Variants in RBFOX1 observed in about 807,000 individuals in gnomAD.
RBFOX1 encodes the protein RNA binding protein fox-1 homolog 1.
RBFOX1 carries 8 observed loss-of-function variants against 57.7 expected under a neutral mutation model. That is an observed-to-expected ratio of 0.14 (90% confidence interval 0.08 to 0.25). RBFOX1 has a LOEUF of 0.25. Among genes scored for constraint, RBFOX1 ranks in the 10% least tolerant of loss-of-function variants. The pLI is 1.00. For missense variants in RBFOX1, 611 were observed against 548.5 expected (o/e 1.11, Z -1.14); for synonymous variants, 326 against 222.4 (o/e 1.47, Z -4.15).
chr16:5,330,412 A>AT (rs1299268872), intron 1 of RBFOX1, among the ~76,000 whole-genome samples: 3 of 151,736 alleles, frequency 2.0e-5, no homozygotes, highest in African/African-American at 4.8e-5. Context: ...TTAAAAGAAA[A>AT]TTTTTTTTGA....
At chr16:7,621,877 A>G (rs917200903) in intron 10 of RBFOX1, among the ~76,000 whole-genome samples, 1 of 152,222 alleles carries the variant, frequency 6.6e-6, no homozygotes. Context: ...TCTCTGTGCA[A>G]TTACTCAGCC....
chr16:5,582,425 G>C (rs4786043), intron 2 of RBFOX1, among the ~76,000 whole-genome samples: 52,683 of 151,982 alleles, frequency 0.35, 10,343 homozygotes, highest in East Asian at 0.87. Context: ...GTGGAACTGA[G>C]GTGCAAGTAC....
rs1280153107 is a variant in RBFOX1 at position 7,222,738 on chromosome 16, T to C, written c.27+170640T>C. Among the ~76,000 whole-genome samples, 7 of 152,222 alleles carry C rather than the reference T, an allele frequency of 4.6e-5. No individual in the cohort carries two copies. The East Asian group carries it at 1.2e-3, about 25-fold the overall frequency. ...TAAGCCAATGCCTGACACACATATGTATTCTACAGTAATCATTATCAAAGT... is the reference window on the plus strand; with the variant it reads ...TAAGCCAATGCCTGACACACATATGCATTCTACAGTAATCATTATCAAAGT... On this transcript the variant is annotated intron_variant, in intron 4 of 15. Transcript: ENST00000550418.
intron 2 of RBFOX1, among the ~76,000 whole-genome samples, chr16:6,337,280 C>T (rs2152819189): frequency 6.6e-6 from 1 of 152,254 alleles, no homozygotes; most frequent in East Asian, 1.9e-4. Flanking sequence ...CATTTAAAGT[C>T]GACATGCTGA....
intron 2 of RBFOX1, among the ~76,000 whole-genome samples, chr16:6,498,303 G>A (rs1331725295): frequency 6.6e-6 from 1 of 151,394 alleles, no homozygotes; most frequent in Non-Finnish European, 1.5e-5. Context: ...TTCCTAGGTT[G>A]ATAAAATTAC....
At chr16:6,891,090 G>A (rs765593928) in intron 3 of RBFOX1, among the ~76,000 whole-genome samples, 4 of 152,124 alleles carry the variant, frequency 2.6e-5, no homozygotes, top group Non-Finnish European at 4.4e-5. Flanking sequence ...GACACCAGGC[G>A]TTCTTCCAAT....
At chr16:5,278,581 T>A (rs936954033) in intron 1 of RBFOX1, among the ~76,000 whole-genome samples, 8 of 152,214 alleles carry the variant, frequency 5.3e-5, no homozygotes, top group Non-Finnish European at 1.0e-4. Context: ...TTGATTGTTT[T>A]CTTTGATATG....
intron 1 of RBFOX1, chr16:5,270,885 T>C (rs1596352256): frequency 4.9e-6 from 2 of 410,166 alleles, no homozygotes; most frequent in African/African-American, 2.1e-5. Flanking sequence ...GAAAACCCAC[T>C]AGGGACGAGA....
chr16:6,813,170 T>C (rs574433781), intron 3 of RBFOX1, among the ~76,000 whole-genome samples: 2 of 151,966 alleles, frequency 1.3e-5, no homozygotes, highest in Admixed American at 6.6e-5. Flanking sequence ...CAGGCCACAA[T>C]GACTTCCTAT....
chr16:6,447,592 A>G (rs1328412987), intron 2 of RBFOX1, among the ~76,000 whole-genome samples: 1 of 152,172 alleles, frequency 6.6e-6, no homozygotes, highest in South Asian at 2.1e-4. Context: ...GTGTGTCGCT[A>G]TATGCATATG....
intron 3 of RBFOX1, among the ~76,000 whole-genome samples, chr16:5,618,826 A>C (rs1424745319): frequency 6.6e-6 from 1 of 152,176 alleles, no homozygotes; most frequent in Non-Finnish European, 1.5e-5. Context: ...GGCAACCTTC[A>C]ATGTGGATTT....
intron 2 of RBFOX1, among the ~76,000 whole-genome samples, chr16:6,526,994 A>G (rs370232670): frequency 6.6e-6 from 1 of 152,078 alleles, no homozygotes; most frequent in African/African-American, 2.4e-5. Context: ...GAGAAATTCA[A>G]ATCTGGAAAT....
chr16:5,949,689 G>T (rs2059480605), intron 4 of RBFOX1, among the ~76,000 whole-genome samples: 1 of 152,132 alleles, frequency 6.6e-6, no homozygotes, highest in Admixed American at 6.5e-5. Flanking sequence ...CAAGCCATTT[G>T]TTTTGTAGAA....
At chr16:5,454,851 TTCTTTTCTTTCTTTCTTTC>T (rs2068543044) in intron 1 of RBFOX1, among the ~76,000 whole-genome samples, 1 of 101,416 alleles carries the variant, frequency 9.9e-6, no homozygotes, top group Non-Finnish European at 2.0e-5. Flanking sequence ...CTTTCTTTCT[TTCTTTTCTTTCTTTCTTTC>T]TTTCTTTCTT....
At position 7,595,604 on chromosome 16, in the gene RBFOX1, A is replaced by T. The variant is rs1456158838; in HGVS notation, c.524A>T (p.Lys175Ile). 2 of 1,575,296 alleles carry T rather than the reference A, an allele frequency of 1.3e-6. No individual in the cohort carries two copies. The highest frequency in any genetic ancestry group is 1.7e-6 in the Non-Finnish European group (2 of 1,158,542). ...NSADADRARE[K>I]LHGTVVEGRK... The stretch of plus-strand genomic sequence containing the variant: ...GCCGATGCGGACAGGGCGAGGGAGA[A>T]ATTACACGGCACCGTGGTAGAGGGC... The change falls in exon 8 of 16, where the codon AAA becomes ATA. Residue 175 changes from lysine (K) to isoleucine (I), a missense_variant. By Grantham distance (102) the Lys-to-Ile change is moderately radical. Around this residue, in one of 3 missense-constraint regions of RBFOX1, gnomAD observed 99 missense variants for 160.3 expected, o/e 0.62. Transcript: ENST00000550418.
At chr16:5,960,622 C>A (rs2059728826) in intron 4 of RBFOX1, among the ~76,000 whole-genome samples, 1 of 152,058 alleles carries the variant, frequency 6.6e-6, no homozygotes, top group Non-Finnish European at 1.5e-5. Context: ...GCAGTCATAT[C>A]TCCGAAACCT....
chr16:5,606,477 C>T (rs2047583907), intron 3 of RBFOX1, among the ~76,000 whole-genome samples: 2 of 152,052 alleles, frequency 1.3e-5, no homozygotes, highest in Non-Finnish European at 2.9e-5. Flanking sequence ...TCCTCACCTT[C>T]TCTCTCACTC....
At chr16:6,127,315 T>C (rs536175714) in intron 1 of RBFOX1, among the ~76,000 whole-genome samples, 122 of 152,270 alleles carry the variant, frequency 8.0e-4, no homozygotes, top group Non-Finnish European at 1.3e-3. Flanking sequence ...TCCAGTATTG[T>C]TTTTCTCCTG....
At chr16:6,953,486 A>G (rs2153529417) in intron 3 of RBFOX1, among the ~76,000 whole-genome samples, 1 of 152,210 alleles carries the variant, frequency 6.6e-6, no homozygotes, top group East Asian at 1.9e-4. Context: ...CCTGGGTTCA[A>G]GCGATTCTTC....
Sources: gnomAD v4.1 joint callset for allele counts (sites outside exome capture counted in the v4.1 genomes callset) on GRCh38, gnomAD v4.1.1 for gene constraint, gnomAD v4.1.1 regional missense constraint, MANE v1.5 for transcripts, NCBI Gene and HGNC (gene_info 2026-07-23, HGNC 2026-07-21) for gene names.